Variants in SYNE2 observed in about 807,000 individuals in gnomAD.
The protein encoded by SYNE2 is spectrin repeat containing nuclear envelope protein 2.
A neutral mutation model predicts 856.3 loss-of-function variants in SYNE2; 431 were observed. The ratio of observed to expected loss-of-function variants is 0.50; its 90% CI spans 0.47 to 0.55. SYNE2 has a LOEUF of 0.55. Among genes scored for constraint, SYNE2 ranks in the 20% least tolerant of loss-of-function variants. The pLI, the probability that SYNE2 is intolerant of heterozygous loss-of-function variation, is 0.00. For synonymous variants in SYNE2, 2,923 were observed against 2,872.3 expected, an observed-to-expected ratio of 1.02 and a Z score of -0.56; for missense variants, 8,129 against 8,023.2, an observed-to-expected ratio of 1.01 and a Z score of -0.50.
At chr14:64,218,582 T>G in intron 109 of SYNE2, 70 bp downstream of exon 109, 2 of 1,431,966 alleles carry the variant, frequency 1.4e-6, no homozygotes, top group Non-Finnish European at 1.9e-6. Flanking sequence ...CAAGAGAACA[T>G]TCATTAGATA....
chr14:64,212,109 C>G lies in SYNE2; in HGVS notation c.18861+11C>G, dbSNP rs1348864644. On this transcript the variant is annotated intron_variant, in intron 104 of 115. Coordinates refer to ENST00000555002, the MANE Select transcript of SYNE2 (RefSeq NM_182914.3). ...ATGCGCCAACTGAATGTGAGGGCTG[C>G]TGCTTCCCTAGCTCTTCTCAAAAGA... is the stretch of plus-strand genomic sequence containing the variant. The G allele has an allele frequency of 1.9e-6, 3 of 1,613,798 alleles. No individual in the cohort carries two copies. In the African/African-American group the frequency reaches 4.0e-5, roughly 22 times the overall value.
intron 97 of SYNE2, among the ~76,000 whole-genome samples, chr14:64,187,116 C>T (rs1201930426): frequency 1.3e-5 from 2 of 152,202 alleles, no homozygotes; most frequent in African/African-American, 4.8e-5. Context: ...ATCACTTCAA[C>T]TTATTAAGAA....
chr14:63,767,775 G>C (rs1322878548), intron 1 of SYNE2, among the ~76,000 whole-genome samples: 1 of 152,134 alleles, frequency 6.6e-6, no homozygotes, highest in Non-Finnish European at 1.5e-5. Flanking sequence ...ATCAGCTTCT[G>C]TAGTGATTAG....
At chr14:64,129,148 A>T (rs1310044908) in intron 74 of SYNE2, among the ~76,000 whole-genome samples, 2 of 152,150 alleles carry the variant, frequency 1.3e-5, no homozygotes, top group African/African-American at 4.8e-5. Context: ...CTCTATCGAA[A>T]ATACAAAAAT....
chr14:63,928,343 T>G (rs1277389625), intron 2 of SYNE2, among the ~76,000 whole-genome samples: 2 of 152,230 alleles, frequency 1.3e-5, no homozygotes, highest in Non-Finnish European at 2.9e-5. Flanking sequence ...GGGGGACATG[T>G]GTGACATAAA....
At chr14:63,779,960 A>G (rs1228686475) in intron 1 of SYNE2, among the ~76,000 whole-genome samples, 1 of 152,196 alleles carries the variant, frequency 6.6e-6, no homozygotes, top group Admixed American at 6.5e-5. Context: ...GGAAATGAAT[A>G]AGTAAAACTT....
chr14:64,074,279 G>A, intron 53 of SYNE2, 143 bp downstream of exon 53: 1 of 815,534 alleles, frequency 1.2e-6, no homozygotes, highest in Non-Finnish European at 2.1e-6. Context: ...AAGGCCCTGT[G>A]GCATGGTATG....
At chr14:64,020,864 T>G (rs920071589) in intron 35 of SYNE2, among the ~76,000 whole-genome samples, 2 of 152,116 alleles carry the variant, frequency 1.3e-5, no homozygotes, top group African/African-American at 4.8e-5. Flanking sequence ...TACTACCTAC[T>G]AGCTTTATAA....
At chr14:63,910,742 G>C (rs75805098) in intron 2 of SYNE2, among the ~76,000 whole-genome samples, 1 of 152,128 alleles carries the variant, frequency 6.6e-6, no homozygotes, top group Non-Finnish European at 1.5e-5. Context: ...TTCCCACACT[G>C]CAGCTGCATT....
intron 45 of SYNE2, 121 bp from the exon 46 acceptor site, chr14:64,047,879 A>G (rs765050906): frequency 2.0e-5 from 22 of 1,087,960 alleles, no homozygotes; most frequent in Non-Finnish European, 2.3e-5. Flanking sequence ...GTGCCCAAAT[A>G]TACTTTTTAA....
chr14:64,216,723 G>C (rs1478061309), intron 108 of SYNE2, among the ~76,000 whole-genome samples: 1 of 152,170 alleles, frequency 6.6e-6, no homozygotes, highest in Non-Finnish European at 1.5e-5. Flanking sequence ...TCAAGCCTTT[G>C]TCTTTTTGTT....
rs1380284838 is a variant in SYNE2 at position 64,205,938 on chromosome 14, T to G, written c.18202-2820T>G. 2.0e-5 allele frequency among the ~76,000 whole-genome samples: 3 copies of G among 152,146 alleles called. No individual in the cohort carries two copies. The East Asian group carries it at 5.8e-4, about 29-fold the overall frequency. On this transcript the variant is annotated intron_variant, in intron 100 of 115. Transcript: ENST00000555002. ...CAGTTGAGCTTCACCTCAAACCCCCTGAACCATCCCAATACCATCCTGTCC... is the reference window on the plus strand; with the variant it reads ...CAGTTGAGCTTCACCTCAAACCCCCGGAACCATCCCAATACCATCCTGTCC...
chr14:64,220,716 A>T, intron 111 of SYNE2, 79 bp downstream of exon 111: 1 of 1,517,340 alleles, frequency 6.6e-7, no homozygotes, highest in South Asian at 1.2e-5. Flanking sequence ...TTTTATCATC[A>T]TCAGGCTGCT....
intron 51 of SYNE2, among the ~76,000 whole-genome samples, chr14:64,066,556 G>A (rs2097360115): frequency 6.6e-6 from 1 of 152,156 alleles, no homozygotes; most frequent in Admixed American, 6.5e-5. Flanking sequence ...GAAATGCTTA[G>A]CACTATTGTA....
intron 17 of SYNE2, 36 bp from the exon 18 acceptor site, chr14:63,983,699 AAT>A (rs779206049): frequency 9.1e-6 from 14 of 1,536,344 alleles, no homozygotes; most frequent in Non-Finnish European, 1.2e-5. Flanking sequence ...ATAAAATAAA[AAT>A]ATGAGTATTA....
chr14:64,096,259 A>AG (rs2153633580), intron 61 of SYNE2, among the ~76,000 whole-genome samples: 1 of 152,342 alleles, frequency 6.6e-6, no homozygotes, highest in Non-Finnish European at 1.5e-5. Flanking sequence ...AATACATCAA[A>AG]GTGAAGAACC....
rs574018357 is a variant in SYNE2 at position 63,899,104 on chromosome 14, T to A, written c.-51-9994T>A. Among the ~76,000 whole-genome samples, 4 of 152,338 alleles carry A rather than the reference T, an allele frequency of 2.6e-5. No individual in the cohort carries two copies. In the South Asian group the frequency reaches 8.3e-4, roughly 32 times the overall value. ...AAGTTTGATGACTGTAGGTACCTTA[T>A]GTAAGTGGAATCAGACAGCATTTGT... On this transcript the variant is annotated intron_variant, in intron 1 of 115. Transcript: ENST00000555002.
intron 1 of SYNE2, among the ~76,000 whole-genome samples, chr14:63,875,713 A>G (rs2094700301): frequency 6.6e-6 from 1 of 152,242 alleles, no homozygotes; most frequent in Admixed American, 6.5e-5. Flanking sequence ...ATACCTTCAC[A>G]TATTAAACAA....
rs1343017238 is a variant in SYNE2 at position 63,981,150 on chromosome 14, A to G, written c.1813A>G (p.Thr605Ala). Residue 605 changes from threonine (T) to alanine (A), a missense_variant, in exon 16 of 116, where the codon ACA (threonine) becomes GCA (alanine). Coordinates refer to ENST00000555002, the MANE Select transcript of SYNE2 (RefSeq NM_182914.3). ...LRLLRACFEETKKEEIKEVPF... is the reference protein window; with the variant it reads ...LRLLRACFEEAKKEEIKEVPF... ...CTTACTAAGGGCTTGCTTTGAGGAG[A>G]CAAAGAAGGAAGAAATTAAAGAGGT... 1 of 1,613,532 alleles carries G rather than the reference A, an allele frequency of 6.2e-7. No individual in the cohort carries two copies. The highest frequency in any genetic ancestry group is 2.2e-5 in the East Asian group (1 of 44,830).
Sources: allele counts gnomAD v4.1 joint callset (sites outside exome capture counted in the v4.1 genomes callset), GRCh38; gene constraint gnomAD v4.1.1; transcripts MANE v1.5; gene names NCBI Gene and HGNC (gene_info 2026-07-23, HGNC 2026-07-21).